Variants in ZNF469 observed in about 807,000 individuals in gnomAD.
The protein encoded by ZNF469 is zinc finger protein 469.
In ZNF469, 1 loss-of-function variant was observed where a neutral mutation model predicts 1.0. That is an observed-to-expected ratio of 1.00 (90% CI 0.35 to 4.73). ZNF469 has a LOEUF of 4.73. ZNF469 is among the 30% of genes most tolerant of loss of function. ZNF469 has a pLI of 0.16. For missense variants in ZNF469, 6,100 were observed against 5,356.3 expected (o/e 1.14, Z -4.33); for synonymous variants, 2,703 against 2,363.4 (o/e 1.14, Z -4.17).
chr16:88,348,251 G>C, the ZNF469 span, among the ~76,000 whole-genome samples: 292 of 152,270 alleles, frequency 1.9e-3, 16 homozygotes, highest in South Asian at 0.057. Flanking sequence ...TGGTGGCTGC[G>C]GGAGCTCCCT....
chr16:88,240,548 G>A, the ZNF469 span, among the ~76,000 whole-genome samples: 1 of 152,156 alleles, frequency 6.6e-6, no homozygotes, highest in African/African-American at 2.4e-5. Context: ...TATGCAGAAC[G>A]TGGGGTCCAC....
At chr16:88,210,844 T>A in the ZNF469 span, among the ~76,000 whole-genome samples, 5 of 152,248 alleles carry the variant, frequency 3.3e-5, no homozygotes, top group Admixed American at 3.3e-4. Flanking sequence ...TAATGCCTGG[T>A]AAAGCTGGGC....
the ZNF469 span, among the ~76,000 whole-genome samples, chr16:88,360,368 G>A: frequency 6.6e-6 from 1 of 152,210 alleles, no homozygotes; most frequent in African/African-American, 2.4e-5. Context: ...TGTACAACTC[G>A]AGCGCCATTC....
At chr16:88,238,434 C>T in the ZNF469 span, among the ~76,000 whole-genome samples, 1 of 152,158 alleles carries the variant, frequency 6.6e-6, no homozygotes, top group African/African-American at 2.4e-5. Context: ...CCTAGGTAGA[C>T]CCTAAATAGA....
chr16:88,210,700 G>A, the ZNF469 span, among the ~76,000 whole-genome samples: 12 of 152,250 alleles, frequency 7.9e-5, no homozygotes, highest in African/African-American at 2.4e-4. Context: ...TCCTAGAGAC[G>A]TGAACGTCAC....
chr16:88,352,306 A>G, the ZNF469 span, among the ~76,000 whole-genome samples: 1 of 152,226 alleles, frequency 6.6e-6, no homozygotes, highest in South Asian at 2.1e-4. Flanking sequence ...ATTTTGTCGC[A>G]GTAAAGAAGC....
the ZNF469 span, among the ~76,000 whole-genome samples, chr16:88,251,168 G>A: frequency 5.9e-5 from 9 of 152,156 alleles, no homozygotes; most frequent in Non-Finnish European, 1.2e-4. Flanking sequence ...ATGAGCCACC[G>A]CGCCCGGCCT....
chr16:88,259,965 CT>C, the ZNF469 span, among the ~76,000 whole-genome samples: 9 of 151,508 alleles, frequency 5.9e-5, no homozygotes, highest in Admixed American at 1.3e-4. The surrounding 1 kb of genome is among the most constrained non-coding windows in gnomAD (Gnocchi z 4.1). Flanking sequence ...TAAAAAGTCA[CT>C]TTTTTTTTGT....
At chr16:88,219,128 C>G in the ZNF469 span, among the ~76,000 whole-genome samples, 297 of 149,042 alleles carry the variant, frequency 2.0e-3, no homozygotes, top group Middle Eastern at 6.9e-3. Context: ...AGGATACAAA[C>G]AAATGGAAGA....
At chr16:88,415,511 C>T (rs1432632065) in intron 1 of ZNF469, among the ~76,000 whole-genome samples, 1 of 152,240 alleles carries the variant, frequency 6.6e-6, no homozygotes, top group Non-Finnish European at 1.5e-5. Context: ...AGACTGAGCC[C>T]CCAGCCTGGG....
At chr16:88,403,501 A>AG (rs35244012) in intron 1 of ZNF469, among the ~76,000 whole-genome samples, 50,495 of 149,424 alleles carry the variant, frequency 0.34, 8,562 homozygotes, top group Middle Eastern at 0.36. Flanking sequence ...CACAGGGCAG[A>AG]GGGCTCCAGG....
intron 1 of ZNF469, among the ~76,000 whole-genome samples, chr16:88,408,365 T>C (rs1287415461): frequency 6.6e-6 from 1 of 152,264 alleles, no homozygotes; most frequent in Admixed American, 6.5e-5. Flanking sequence ...TTGGCCAGGC[T>C]GGTCTTGAAC....
At chr16:88,125,876 T>C in the ZNF469 span, among the ~76,000 whole-genome samples, 2 of 152,186 alleles carry the variant, frequency 1.3e-5, no homozygotes, top group African/African-American at 4.8e-5. Flanking sequence ...CCCTGCTTAG[T>C]TCTAGTTCTA....
intron 1 of ZNF469, among the ~76,000 whole-genome samples, chr16:88,393,205 C>T (rs1391107472): frequency 6.6e-6 from 1 of 152,272 alleles, no homozygotes; most frequent in Non-Finnish European, 1.5e-5. Context: ...CCCTGGAGTG[C>T]CCTCCCAGCG....
the ZNF469 span, among the ~76,000 whole-genome samples, chr16:88,223,217 C>T: frequency 9.5e-3 from 1,449 of 152,282 alleles, 15 homozygotes; most frequent in African/African-American, 0.031. Context: ...GAAAACTGAA[C>T]CATGGGGGCC....
At chr16:88,223,568 C>T in the ZNF469 span, among the ~76,000 whole-genome samples, 1 of 152,152 alleles carries the variant, frequency 6.6e-6, no homozygotes, top group African/African-American at 2.4e-5. Flanking sequence ...GACACCCCAG[C>T]ACAAAGCCGA....
the ZNF469 span, among the ~76,000 whole-genome samples, chr16:88,115,460 G>A: frequency 6.6e-6 from 1 of 151,984 alleles, no homozygotes; most frequent in African/African-American, 2.4e-5. Context: ...CTTGCACAGT[G>A]CACATGACCC....
intron 1 of ZNF469, among the ~76,000 whole-genome samples, chr16:88,391,270 G>A (rs1904484859): frequency 6.6e-6 from 1 of 152,240 alleles, no homozygotes; most frequent in African/African-American, 2.4e-5. Context: ...CGTGGAGAAA[G>A]GAAAGAGCCG....
the ZNF469 span, among the ~76,000 whole-genome samples, chr16:88,315,151 C>T: frequency 7.2e-5 from 11 of 152,218 alleles, no homozygotes; most frequent in Non-Finnish European, 1.6e-4. Context: ...GAGCCAGGGG[C>T]AGGAAGGTCT....
Sources: allele counts gnomAD v4.1 joint callset (sites outside exome capture counted in the v4.1 genomes callset), GRCh38; gene constraint gnomAD v4.1.1; non-coding constraint Gnocchi (gnomAD v3.1); transcripts MANE v1.5; gene names NCBI Gene and HGNC (gene_info 2026-07-23, HGNC 2026-07-21).